The following TRHDE variants were observed in gnomAD, a reference collection of about 807,000 sequenced individuals.
The protein encoded by TRHDE is thyrotropin-releasing hormone-degrading ectoenzyme.
A neutral mutation model predicts 125.7 loss-of-function variants in TRHDE; 72 were observed. The ratio of observed to expected loss-of-function variants is 0.57; its 90% CI spans 0.47 to 0.70. The LOEUF (loss-of-function observed/expected upper bound fraction) is 0.70, where lower values mean the gene tolerates loss of function less well. Among genes scored for constraint, TRHDE ranks in the 30% least tolerant of loss-of-function variants. The pLI is 0.00. For synonymous variants in TRHDE, 509 were observed against 509.1 expected, an observed-to-expected ratio of 1.00 and a Z score of 0.00; for missense variants, 1,110 against 1,327.1, an observed-to-expected ratio of 0.84 and a Z score of 2.54.
intron 1 of TRHDE, among the ~76,000 whole-genome samples, chr12:72,104,088 G>A (rs7977245): frequency 0.71 from 107,788 of 152,054 alleles, 39,642 homozygotes; most frequent in Non-Finnish European, 0.81. Context: ...GCAGATGGAA[G>A]TTGACACACA....
intron 2 of TRHDE, among the ~76,000 whole-genome samples, chr12:72,196,312 G>T (rs1482425302): frequency 6.6e-6 from 1 of 151,988 alleles, no homozygotes; most frequent in African/African-American, 2.4e-5. Context: ...ATTATTTTGG[G>T]CAATACAGCC....
intron 1 of TRHDE, among the ~76,000 whole-genome samples, chr12:72,092,027 G>A (rs1234308909): frequency 1.3e-5 from 2 of 152,112 alleles, no homozygotes; most frequent in Non-Finnish European, 2.9e-5. Flanking sequence ...CCTTCATTCA[G>A]TCTTGCAAAT....
At chr12:72,494,048 G>A (rs1210376965) in intron 5 of TRHDE, among the ~76,000 whole-genome samples, 5 of 151,960 alleles carry the variant, frequency 3.3e-5, no homozygotes, top group Non-Finnish European at 4.4e-5. Context: ...CCCAGAACCA[G>A]GCATACCATC....
chr12:72,342,474 T>A (rs1292952062), intron 2 of TRHDE, among the ~76,000 whole-genome samples: 4 of 152,170 alleles, frequency 2.6e-5, no homozygotes, highest in Non-Finnish European at 5.9e-5. Context: ...TTTTTGAATA[T>A]ACTCTTCCTG....
At chr12:72,102,207 G>A (rs930755497) in intron 1 of TRHDE, among the ~76,000 whole-genome samples, 2 of 152,126 alleles carry the variant, frequency 1.3e-5, no homozygotes, top group African/African-American at 4.8e-5. Context: ...CACAGTGTGT[G>A]GGTGCCCTCC....
intron 12 of TRHDE, among the ~76,000 whole-genome samples, chr12:72,596,128 C>T (rs1431632807): frequency 6.6e-6 from 1 of 151,958 alleles, no homozygotes; most frequent in Non-Finnish European, 1.5e-5. Flanking sequence ...TCCTAGTTTC[C>T]CTTTGGTAAG....
intron 9 of TRHDE, among the ~76,000 whole-genome samples, 156 bp downstream of exon 9, chr12:72,563,196 A>G (rs1870267555): frequency 6.6e-6 from 1 of 152,176 alleles, no homozygotes; most frequent in East Asian, 1.9e-4. Flanking sequence ...TTCTCCTTTT[A>G]CTCCCATTTC....
intron 2 of TRHDE, among the ~76,000 whole-genome samples, chr12:72,111,897 G>C (rs562818923): frequency 5.3e-5 from 8 of 151,976 alleles, no homozygotes; most frequent in Non-Finnish European, 1.2e-4. Context: ...TTTAGCAATT[G>C]CCAAAATTTT....
rs138347957 is a variant in TRHDE at position 72,432,888 on chromosome 12, T to C, written c.1316-36870T>C. Among the ~76,000 whole-genome samples the C allele has an allele frequency of 3.9e-4, 60 of 152,316 alleles. 1 individual carries two copies. The highest frequency in any genetic ancestry group is 1.3e-3 in the African/African-American group (54 of 41,572). On this transcript the variant is annotated intron_variant, in intron 3 of 18. Coordinates refer to ENST00000261180, the MANE Select transcript of TRHDE (RefSeq NM_013381.3). ...GAGAGAGTGAAAAATCCTTATCTTG[T>C]TCTTGATCTTAGGGGAAAGCATTTC...
chr12:72,512,735 A>G (rs367544534), intron 6 of TRHDE, among the ~76,000 whole-genome samples: 1 of 149,376 alleles, frequency 6.7e-6, no homozygotes, highest in African/African-American at 2.5e-5. Flanking sequence ...AAAGGAATAA[A>G]TTAAGATGTA....
chr12:72,326,383 A>G (rs997364800), intron 2 of TRHDE, among the ~76,000 whole-genome samples: 1 of 152,112 alleles, frequency 6.6e-6, no homozygotes, highest in Admixed American at 6.6e-5. Context: ...GGAGCATCAC[A>G]CACTGGAGCC....
chr12:72,418,670 G>T (rs931422284), intron 3 of TRHDE, among the ~76,000 whole-genome samples: 1 of 151,918 alleles, frequency 6.6e-6, no homozygotes, highest in Non-Finnish European at 1.5e-5. Flanking sequence ...AGCTTTCATC[G>T]GAGGTACTCA....
chr12:72,404,876 C>G (rs1873202014), intron 3 of TRHDE, among the ~76,000 whole-genome samples: 1 of 152,180 alleles, frequency 6.6e-6, no homozygotes, highest in South Asian at 2.1e-4. Flanking sequence ...GTTATCCTGT[C>G]AGTGCCTTGT....
intron 2 of TRHDE, among the ~76,000 whole-genome samples, chr12:72,347,855 T>C (rs866771653): frequency 9.9e-5 from 15 of 152,060 alleles, no homozygotes; most frequent in African/African-American, 3.6e-4. Context: ...CTCCCGTTAC[T>C]TTTGTCATAT....
rs185008620 is a variant in TRHDE at position 72,496,076 on chromosome 12, G to A, written c.1585-3422G>A. On this transcript the variant is annotated intron_variant, in intron 5 of 18. Transcript: ENST00000261180. ...TTTTATTGTGCTGCTTTTTCAAAGT[G>A]TTAGGTCACTTATCATGGTGGCCTT... Among the ~76,000 whole-genome samples, 867 of 152,230 alleles carry A rather than the reference G, an allele frequency of 5.7e-3. 7 individuals are homozygous for A. Among genetic ancestry groups the A allele is most frequent in the African/African-American group, 0.019 (796 of 41,540 alleles).
chr12:72,570,015 C>T (rs1870642930), intron 10 of TRHDE, among the ~76,000 whole-genome samples: 1 of 152,124 alleles, frequency 6.6e-6, no homozygotes, highest in South Asian at 2.1e-4. Flanking sequence ...GAAGTCATCG[C>T]TCTATAGGAT....
intron 2 of TRHDE, among the ~76,000 whole-genome samples, chr12:72,169,601 T>A (rs1876826326): frequency 1.3e-5 from 2 of 152,028 alleles, no homozygotes; most frequent in South Asian, 4.2e-4. Context: ...ACACCTGTAA[T>A]CCCAGCACTT....
rs1453845710 is a variant in TRHDE at position 72,621,639 on chromosome 12, T to C, written c.2568-5T>C. 6.3e-7 allele frequency: 1 copy of C among 1,593,656 alleles called. No individual in the cohort carries two copies. Among genetic ancestry groups the C allele is most frequent in the Non-Finnish European group, 8.6e-7 (1 of 1,168,600 alleles). Reference sequence around the variant, plus strand: ...TTAATTTGTTTCCCTTTTGATGATATCTAGAGAACTACGTAGAGAAGTTAT... The same window carrying C: ...TTAATTTGTTTCCCTTTTGATGATACCTAGAGAACTACGTAGAGAAGTTAT... On this transcript the variant is annotated splice_polypyrimidine_tract_variant and splice_region_variant and intron_variant, in intron 14 of 18. Transcript: ENST00000261180.
At chr12:72,218,752 G>A (rs1242872275) in intron 2 of TRHDE, among the ~76,000 whole-genome samples, 1 of 152,108 alleles carries the variant, frequency 6.6e-6, no homozygotes, top group Non-Finnish European at 1.5e-5. Flanking sequence ...CTGTGACTCA[G>A]TGTCTCAATT....
Sources: allele counts gnomAD v4.1 joint callset (sites outside exome capture counted in the v4.1 genomes callset), GRCh38; gene constraint gnomAD v4.1.1; transcripts MANE v1.5; gene names NCBI Gene and HGNC (gene_info 2026-07-23, HGNC 2026-07-21).